TWSG1: variants seen among roughly 807,000 people sequenced by gnomAD.
The protein encoded by TWSG1 is twisted gastrulation protein homolog 1.
A neutral mutation model predicts 23.0 loss-of-function variants in TWSG1; 15 were observed. That is an observed-to-expected ratio of 0.65 (90% CI 0.44 to 1.00). The LOEUF (loss-of-function observed/expected upper bound fraction) is 1.00. TWSG1 is among the 50% of genes least tolerant of loss of function. The pLI, the probability that TWSG1 is intolerant of heterozygous loss-of-function variation, is 0.00. For synonymous variants in TWSG1, 86 were observed against 92.8 expected (o/e 0.93, Z 0.42); for missense variants, 242 against 278.7 (o/e 0.87, Z 0.94).
intron 3 of TWSG1, among the ~76,000 whole-genome samples, chr18:9,378,907 G>A (rs1440243040): frequency 6.6e-6 from 1 of 151,768 alleles, no homozygotes; most frequent in Non-Finnish European, 1.5e-5. Context: ...CTAGAGCCTG[G>A]GAAATGAGAA....
intron 4 of TWSG1, among the ~76,000 whole-genome samples, 166 bp from the exon 5 acceptor site, chr18:9,399,180 A>G (rs544570863): frequency 6.6e-6 from 1 of 152,330 alleles, no homozygotes; most frequent in South Asian, 2.1e-4. Flanking sequence ...TCTCAACATA[A>G]TTAATAAATG....
intron 2 of TWSG1, among the ~76,000 whole-genome samples, chr18:9,359,195 T>G (rs1373398935): frequency 2.0e-5 from 3 of 151,964 alleles, no homozygotes; most frequent in Non-Finnish European, 4.4e-5. Flanking sequence ...AGCTGCTGGT[T>G]GGTTGGAAGC....
intron 4 of TWSG1, among the ~76,000 whole-genome samples, chr18:9,397,736 T>C (rs2145637888): frequency 6.6e-6 from 1 of 152,268 alleles, no homozygotes; most frequent in African/African-American, 2.4e-5. Context: ...CTGGGTGCGG[T>C]GGCTCACGCC....
At position 9,402,220 on chromosome 18, in the gene TWSG1, T is replaced by A. The variant is rs1307112462; in HGVS notation, c.*2693T>A. 1 of 152,152 alleles carries A rather than the reference T, an allele frequency of 6.6e-6. No individual in the cohort carries two copies. Among genetic ancestry groups the A allele is most frequent in the Non-Finnish European group, 1.5e-5 (1 of 68,020 alleles). The allele number at this position is 152,152 out of a possible 1,614,324, so 9.4% of individuals were successfully genotyped here. A position where few individuals can be genotyped will look rare whatever the true frequency, so the allele number is the denominator to read the frequency against. ...GCATTAAAATGGAGAAAAGAAAGTT[T>A]TCTGAAAAAATGCAGTAAATATAAG... is the stretch of plus-strand genomic sequence containing the variant. On this transcript the variant is annotated 3_prime_UTR_variant, in exon 5 of 5. Coordinates refer to ENST00000262120, the MANE Select transcript of TWSG1 (RefSeq NM_020648.6).
intron 2 of TWSG1, among the ~76,000 whole-genome samples, chr18:9,345,871 T>C (rs2040474613): frequency 6.6e-6 from 1 of 152,108 alleles, no homozygotes; most frequent in African/African-American, 2.4e-5. Flanking sequence ...GAGCAGAGAG[T>C]ATAAAGGGTT....
chr18:9,377,962 A>T (rs1026792627), intron 3 of TWSG1, among the ~76,000 whole-genome samples: 1 of 150,848 alleles, frequency 6.6e-6, no homozygotes, highest in Non-Finnish European at 1.5e-5. Flanking sequence ...CAAGTGATCC[A>T]CCCGCCTCGG....
At chr18:9,380,278 A>T (rs912635294) in intron 3 of TWSG1, among the ~76,000 whole-genome samples, 3 of 152,048 alleles carry the variant, frequency 2.0e-5, no homozygotes, top group African/African-American at 7.2e-5. Flanking sequence ...CATCTGTTCC[A>T]CACATGAGGA....
intron 3 of TWSG1, among the ~76,000 whole-genome samples, chr18:9,378,108 C>T (rs1326491509): frequency 4.6e-5 from 7 of 152,142 alleles, no homozygotes; most frequent in Non-Finnish European, 1.0e-4. Context: ...CTGCAAAAGA[C>T]ACTGTAAAGA....
At chr18:9,338,649 C>T (rs371173180) in intron 2 of TWSG1, among the ~76,000 whole-genome samples, 7 of 152,282 alleles carry the variant, frequency 4.6e-5, no homozygotes, top group African/African-American at 1.7e-4. Flanking sequence ...ATGTGGAAAT[C>T]TTAATAAGGC....
intron 4 of TWSG1, among the ~76,000 whole-genome samples, chr18:9,398,651 G>A (rs2040748999): frequency 6.6e-6 from 1 of 151,962 alleles, no homozygotes; most frequent in South Asian, 2.1e-4. Context: ...TAGAGACAGG[G>A]TTTCGCCATG....
At chr18:9,369,313 G>T (rs2145615642) in intron 3 of TWSG1, among the ~76,000 whole-genome samples, 1 of 152,138 alleles carries the variant, frequency 6.6e-6, no homozygotes, top group South Asian at 2.1e-4. Context: ...CTGTCACCCA[G>T]GCTAGAGTAC....
rs759637437 is a variant in TWSG1 at position 9,399,392 on chromosome 18, T to G, written c.537T>G (p.His179Gln). The part of the protein sequence containing the change: ...VVYFDDCMSI[H>Q]QCKISCESMG... Reference sequence around the variant, plus strand: ...ATTTTGATGACTGCATGTCCATACATCAGTGTAAAATATCCTGTGAGTCCA... The same window carrying G: ...ATTTTGATGACTGCATGTCCATACAGCAGTGTAAAATATCCTGTGAGTCCA... Residue 179 changes from histidine (H) to glutamine (Q), a missense_variant, in exon 5 of 5, where the codon CAT becomes CAG. Coordinates refer to ENST00000262120, the MANE Select transcript of TWSG1 (RefSeq NM_020648.6). 1.9e-6 allele frequency: 3 copies of G among 1,613,838 alleles called. No individual in the cohort carries two copies. Among genetic ancestry groups the G allele is most frequent in the Non-Finnish European group, 2.5e-6 (3 of 1,179,924 alleles).
At chr18:9,337,697 G>A (rs186326465) in intron 2 of TWSG1, among the ~76,000 whole-genome samples, 1 of 152,220 alleles carries the variant, frequency 6.6e-6, no homozygotes, top group East Asian at 1.9e-4. Flanking sequence ...AAATTAGCTG[G>A]TCAAATAATA....
chr18:9,356,294 C>T (rs543360781), intron 2 of TWSG1, among the ~76,000 whole-genome samples: 5 of 152,314 alleles, frequency 3.3e-5, no homozygotes, highest in African/African-American at 9.6e-5. Context: ...ATTTAATCTT[C>T]AGAGCTAGAT....
intron 3 of TWSG1, among the ~76,000 whole-genome samples, chr18:9,368,055 G>A (rs2145614577): frequency 6.6e-6 from 1 of 152,162 alleles, no homozygotes; most frequent in African/African-American, 2.4e-5. Flanking sequence ...TCTCCATAAT[G>A]GTTGTACTAA....
chr18:9,336,335 T>G (rs2040423149), intron 1 of TWSG1, among the ~76,000 whole-genome samples: 1 of 150,568 alleles, frequency 6.6e-6, no homozygotes, highest in Non-Finnish European at 1.5e-5. Flanking sequence ...GAGGTTGCAG[T>G]GAGCCGAGAT....
intron 3 of TWSG1, among the ~76,000 whole-genome samples, chr18:9,360,306 G>GT (rs1415893834): frequency 2.6e-5 from 4 of 151,998 alleles, no homozygotes; most frequent in Non-Finnish European, 4.4e-5. Context: ...AAGGCAGAAT[G>GT]TTTAACTTTT....
chr18:9,350,055 G>A (rs948052088), intron 2 of TWSG1, among the ~76,000 whole-genome samples: 9 of 151,934 alleles, frequency 5.9e-5, no homozygotes, highest in South Asian at 2.1e-4. Flanking sequence ...CAGGAGAATC[G>A]CTTGAACCCA....
intron 2 of TWSG1, among the ~76,000 whole-genome samples, chr18:9,339,790 A>G (rs113376802): frequency 3.9e-5 from 6 of 152,174 alleles, no homozygotes; most frequent in African/African-American, 1.4e-4. Context: ...GCGACAGAGC[A>G]AGACTCTGTC....
Sources: allele counts gnomAD v4.1 joint callset (sites outside exome capture counted in the v4.1 genomes callset), GRCh38; gene constraint gnomAD v4.1.1; transcripts MANE v1.5; gene names NCBI Gene and HGNC (gene_info 2026-07-23, HGNC 2026-07-21).